HAUS2: variants seen among roughly 807,000 people sequenced by gnomAD.
HAUS2 encodes HAUS augmin like complex subunit 2.
A neutral mutation model predicts 21.6 loss-of-function variants in HAUS2; 20 were observed. The ratio of observed to expected loss-of-function variants is 0.93; its 90% CI spans 0.65 to 1.35. HAUS2 has a LOEUF of 1.35. Ranked by LOEUF, HAUS2 falls within the 40% of genes most tolerant of loss-of-function variation. The probability of loss-of-function intolerance (pLI) is 0.00; values close to 1 mark genes in which losing one functional copy is unlikely to be tolerated. For synonymous variants in HAUS2, 113 were observed against 95.6 expected, an observed-to-expected ratio of 1.18 and a Z score of -1.06; for missense variants, 297 against 280.7, an observed-to-expected ratio of 1.06 and a Z score of -0.42.
At position 42,564,284 on chromosome 15, in the gene HAUS2, AAAG is replaced by A. The variant is rs1278902566; in HGVS notation, c.498+437_498+439del. On this transcript the variant is annotated intron_variant, in intron 5 of 5. Coordinates refer to ENST00000260372, the MANE Select transcript of HAUS2 (RefSeq NM_018097.3). The stretch of plus-strand genomic sequence containing the variant: ...ATCTCCCATTAAAAAAAAAAAAAAA[AAAG>A]AAGAAGAAGTGTTTATTTATTTAGA... 2.6e-4 allele frequency among the ~76,000 whole-genome samples: 40 copies of A among 151,728 alleles called. 1 individual carries two copies. The highest frequency in any genetic ancestry group is 5.8e-4 in the East Asian group (3 of 5,182).
At chr15:42,553,748 T>A (rs1446745337) in intron 1 of HAUS2, among the ~76,000 whole-genome samples, 1 of 152,214 alleles carries the variant, frequency 6.6e-6, no homozygotes, top group African/African-American at 2.4e-5. Flanking sequence ...GATGTACAAC[T>A]AAGATTAGTG....
At chr15:42,554,736 C>A (rs1427805169) in intron 1 of HAUS2, among the ~76,000 whole-genome samples, 1 of 151,408 alleles carries the variant, frequency 6.6e-6, no homozygotes, top group Non-Finnish European at 1.5e-5. Context: ...GGTGATCTAC[C>A]CCCTCGGCCT....
At chr15:42,566,359 TAGGA>T (rs1186540207) in intron 5 of HAUS2, among the ~76,000 whole-genome samples, 1 of 152,178 alleles carries the variant, frequency 6.6e-6, no homozygotes, top group Non-Finnish European at 1.5e-5. Flanking sequence ...GCCTGAATTT[TAGGA>T]AGGAAGTTAG....
At chr15:42,560,386 T>TAG (rs146328893) in intron 3 of HAUS2, among the ~76,000 whole-genome samples, 4,207 of 145,310 alleles carry the variant, frequency 0.029, 92 homozygotes, top group African/African-American at 0.056. Context: ...CAGCAAAAAT[T>TAG]AGAGAGAGAG....
chr15:42,565,897 G>A (rs1389331489), intron 5 of HAUS2, among the ~76,000 whole-genome samples: 1 of 152,160 alleles, frequency 6.6e-6, no homozygotes, highest in East Asian at 1.9e-4. Context: ...AGTATCAAGT[G>A]TGGGTTAAAG....
At chr15:42,560,453 A>G (rs1285097389) in intron 3 of HAUS2, among the ~76,000 whole-genome samples, 1 of 152,168 alleles carries the variant, frequency 6.6e-6, no homozygotes, top group African/African-American at 2.4e-5. Flanking sequence ...GCCAAATGTT[A>G]ATAATCGGTG....
At chr15:42,550,284 G>GA (rs61442261) in intron 1 of HAUS2, among the ~76,000 whole-genome samples, 18,362 of 98,190 alleles carry the variant, frequency 0.19, 1,939 homozygotes, top group African/African-American at 0.34. Flanking sequence ...CTGTCTCAGG[G>GA]AAAAAAAAAA....
chr15:42,560,177 G>C (rs189866328), intron 3 of HAUS2, among the ~76,000 whole-genome samples: 1 of 152,124 alleles, frequency 6.6e-6, no homozygotes, highest in Admixed American at 6.6e-5. Context: ...TCTTTTTGCT[G>C]TAAAGGACAT....
chr15:42,566,701 C>T lies in HAUS2; in HGVS notation c.593C>T (p.Ser198Leu), dbSNP rs189692778. Residue 198 changes from serine (S) to leucine (L), a missense_variant, in exon 6 of 6, where the codon TCG (serine) becomes TTG (leucine). Coordinates refer to ENST00000260372, the MANE Select transcript of HAUS2 (RefSeq NM_018097.3). ...LKWRKQQNEV[S>L]SCIPKILAEE... Reference sequence around the variant, plus strand: ...TGGCGTAAACAACAAAACGAAGTTTCGTCTTGTATCCCCAAAATATTAGCT... The same window carrying T: ...TGGCGTAAACAACAAAACGAAGTTTTGTCTTGTATCCCCAAAATATTAGCT... The T allele has an allele frequency of 1.3e-5, 20 of 1,584,740 alleles. No individual in the cohort carries two copies. The highest frequency in any genetic ancestry group is 1.2e-4 in the Admixed American group (7 of 59,978).
At chr15:42,560,986 C>T (rs539379756) in intron 3 of HAUS2, 1 of 589,020 alleles carries the variant, frequency 1.7e-6, no homozygotes, top group Admixed American at 3.2e-5. Flanking sequence ...GCTATAAGAA[C>T]TGAATAAGAA....
In HAUS2 at chr15:42,548,905, C is replaced by T. The variant is rs1367834845; in HGVS notation, c.33C>T (p.Ser11=). 2.5e-5 allele frequency: 38 copies of T among 1,550,850 alleles called. No homozygotes were observed. Among genetic ancestry groups the T allele is most frequent in the Non-Finnish European group, 3.2e-5 (37 of 1,146,894 alleles). Reference sequence around the variant, plus strand: ...CTGCCAACCCGTGGGACCCGGCGTCCGCGCCTAACGGCGCTGGGCTAGTGC... The same window carrying T: ...CTGCCAACCCGTGGGACCCGGCGTCTGCGCCTAACGGCGCTGGGCTAGTGC... MAAANPWDPA[S]APNGAGLVLG... The change falls in exon 1 of 6, where the codon TCC becomes TCT. Residue 11 remains serine, a synonymous_variant. Coordinates refer to ENST00000260372, the MANE Select transcript of HAUS2 (RefSeq NM_018097.3).
chr15:42,558,709 G>A (rs1045773592), intron 2 of HAUS2, among the ~76,000 whole-genome samples: 2 of 151,926 alleles, frequency 1.3e-5, no homozygotes, highest in Non-Finnish European at 2.9e-5. Flanking sequence ...TATAATCCTC[G>A]CACTTTGGGA....
chr15:42,554,023 A>C (rs1368931987), intron 1 of HAUS2, among the ~76,000 whole-genome samples: 1 of 151,986 alleles, frequency 6.6e-6, no homozygotes, highest in Non-Finnish European at 1.5e-5. Context: ...GAATGGCATA[A>C]CTCTGTCCAC....
rs1466267888 is a variant in HAUS2, at chr15:42,567,837, C to T, written c.*1021C>T. 2 of 151,708 alleles carry T rather than the reference C, an allele frequency of 1.3e-5. No homozygotes were observed. Among genetic ancestry groups the T allele is most frequent in the African/African-American group, 4.8e-5 (2 of 41,242 alleles). The allele number at this position is 151,708 out of a possible 1,614,324, so 9.4% of individuals were successfully genotyped here. On this transcript the variant is annotated 3_prime_UTR_variant, in exon 6 of 6. Transcript: ENST00000260372. ...CCAACCTGGGTGATGGAGCAAGACT[C>T]CATCTCCAAAAAAATAAAAAATACA... is the stretch of plus-strand genomic sequence containing the variant.
In HAUS2 at chr15:42,552,221, A is replaced by G. The variant is rs897334292; in HGVS notation, c.93+3256A>G. ...TAATTTTTAGTAGAGATGGGGTTTC[A>G]CCATATTGGTCAGGCTGGTCTCGAA... On this transcript the variant is annotated intron_variant, in intron 1 of 5. Coordinates refer to ENST00000260372, the MANE Select transcript of HAUS2 (RefSeq NM_018097.3). 2.6e-5 allele frequency among the ~76,000 whole-genome samples: 4 copies of G among 151,824 alleles called. No homozygotes were observed. The South Asian group carries it at 8.3e-4, about 32-fold the overall frequency.
intron 1 of HAUS2, among the ~76,000 whole-genome samples, chr15:42,554,339 T>C (rs1004449419): frequency 1.3e-5 from 2 of 152,118 alleles, no homozygotes; most frequent in African/African-American, 2.4e-5. Flanking sequence ...CTATTTTAAC[T>C]GTCTTAAAAT....
intron 1 of HAUS2, among the ~76,000 whole-genome samples, chr15:42,549,674 C>T (rs1386135271): frequency 6.7e-6 from 1 of 150,004 alleles, no homozygotes; most frequent in Non-Finnish European, 1.5e-5. Flanking sequence ...TGGTCCCGAT[C>T]TCCTGACCTC....
In HAUS2 at chr15:42,566,891, A is replaced by C. The variant is rs2057912674; in HGVS notation, c.*75A>C. On this transcript the variant is annotated 3_prime_UTR_variant, in exon 6 of 6. Coordinates refer to ENST00000260372, the MANE Select transcript of HAUS2 (RefSeq NM_018097.3). ...TCTAGTTGACTGTAACATGGGTATT[A>C]ATAGTCTTTGCTGCTGGTAATACTG... is the stretch of plus-strand genomic sequence containing the variant. 1.4e-5 allele frequency: 10 copies of C among 713,932 alleles called. No individual in the cohort carries two copies. Among genetic ancestry groups the C allele is most frequent in the Middle Eastern group, 3.9e-4 (1 of 2,552 alleles). 44.2% of individuals were successfully genotyped at this position (713,932 alleles called of 1,614,324 possible).
At chr15:42,560,228 A>G (rs963226960) in intron 3 of HAUS2, among the ~76,000 whole-genome samples, 1 of 152,140 alleles carries the variant, frequency 6.6e-6, no homozygotes, top group African/African-American at 2.4e-5. Context: ...GACTGTATTA[A>G]ATATTGGTAG....
Sources: gnomAD v4.1 joint callset for allele counts (sites outside exome capture counted in the v4.1 genomes callset) on GRCh38, gnomAD v4.1.1 for gene constraint, MANE v1.5 for transcripts, NCBI Gene and HGNC (gene_info 2026-07-23, HGNC 2026-07-21) for gene names.